EXPH5: variants seen among roughly 807,000 people sequenced by gnomAD.
EXPH5 encodes the protein exophilin-5.
In EXPH5, 42 loss-of-function variants were observed where a neutral mutation model predicts 41.1. The ratio of observed to expected loss-of-function variants is 1.02; its 90% CI spans 0.80 to 1.32. The LOEUF is 1.32. Ranked by LOEUF, EXPH5 falls within the 40% of genes most tolerant of loss-of-function variation. The pLI is 0.00. For synonymous variants in EXPH5, 798 were observed against 833.5 expected (o/e 0.96, Z 0.73); for missense variants, 2,298 against 2,314.5 (o/e 0.99, Z 0.15).
chr11:108,513,400 A>C lies in EXPH5; in HGVS notation c.2107T>G (p.Leu703Val), dbSNP rs1294345202. ...TCTTCTTCTGAAATAGATTCATTTA[A>C]GTCTTTCTCATTATTTACTTCTGTG... ...LVTEVNNEKD[L>V]NESISEEDKQ... The change falls in exon 6 of 6, where the codon TTA becomes GTA. Residue 703 changes from leucine to valine, a missense_variant. Leu to Val is a conservative substitution (Grantham distance 32). Transcript: ENST00000265843. The C allele has an allele frequency of 1.9e-6, 3 of 1,613,732 alleles. No homozygotes were observed. The South Asian group carries it at 3.3e-5, about 18-fold the overall frequency.
chr11:108,528,309 G>C, intron 3 of EXPH5, 125 bp from the exon 4 acceptor site: 1 of 643,578 alleles, frequency 1.6e-6, no homozygotes, highest in South Asian at 2.0e-5. Flanking sequence ...ATTCACTGTA[G>C]AAAGATGTTT....
At position 108,593,149 on chromosome 11, in the gene EXPH5, C is replaced by A. The variant is rs577277038; in HGVS notation, c.119+269G>T. ...GCACAGCGTCACTGCGCGGCCCCCG[C>A]AGCGCACGGACCCCCCCACCCTGCC... On this transcript the variant is annotated intron_variant, in intron 1 of 5. Coordinates refer to ENST00000265843, the MANE Select transcript of EXPH5 (RefSeq NM_015065.3). Among the ~76,000 whole-genome samples, 5 of 152,364 alleles carry A rather than the reference C, an allele frequency of 3.3e-5. No homozygotes were observed. In the South Asian group the frequency reaches 1.0e-3, roughly 32 times the overall value.
intron 1 of EXPH5, among the ~76,000 whole-genome samples, chr11:108,588,233 T>A (rs976483451): frequency 2.0e-5 from 3 of 152,242 alleles, no homozygotes; most frequent in Non-Finnish European, 2.9e-5. Flanking sequence ...GCAGATGGTA[T>A]CAGTTATCTT....
chr11:108,512,655 G>A lies in EXPH5; in HGVS notation c.2852C>T (p.Pro951Leu). ...GACATCAACCACTTCATCATGTGTA[G>A]GCACAGGACTATCATTTCTCTCTTG... ...ENQERNDSPVPTHDEVVDVKC... is the reference protein window; with the variant it reads ...ENQERNDSPVLTHDEVVDVKC... Residue 951 changes from proline (P) to leucine (L), a missense_variant, in exon 6 of 6, where the codon CCT (proline) becomes CTT (leucine). Transcript: ENST00000265843. 1.2e-6 allele frequency: 2 copies of A among 1,614,106 alleles called. No homozygotes were observed. The highest frequency in any genetic ancestry group is 1.7e-6 in the Non-Finnish European group (2 of 1,180,000).
At chr11:108,519,253 C>G (rs2093748417) in intron 4 of EXPH5, among the ~76,000 whole-genome samples, 1 of 152,084 alleles carries the variant, frequency 6.6e-6, no homozygotes, top group South Asian at 2.1e-4. Context: ...CAACCAAAGG[C>G]TAACTTTGGG....
At chr11:108,532,489 A>G (rs2093850074) in intron 3 of EXPH5, among the ~76,000 whole-genome samples, 1 of 143,536 alleles carries the variant, frequency 7.0e-6, no homozygotes, top group Admixed American at 7.2e-5. Context: ...TGTTGGGATT[A>G]CAGGCGTGAG....
At chr11:108,590,101 A>T (rs142153175) in intron 1 of EXPH5, among the ~76,000 whole-genome samples, 1 of 152,330 alleles carries the variant, frequency 6.6e-6, no homozygotes, top group Non-Finnish European at 1.5e-5. Context: ...AATTGGGTCA[A>T]GCGTAAGGCG....
At chr11:108,569,561 G>A (rs973880463) in intron 1 of EXPH5, among the ~76,000 whole-genome samples, 6 of 152,040 alleles carry the variant, frequency 3.9e-5, no homozygotes, top group Admixed American at 6.6e-5. Context: ...GGCTGGTCTC[G>A]AACTCCTCAC....
At chr11:108,560,130 C>T (rs551817371) in intron 1 of EXPH5, among the ~76,000 whole-genome samples, 6 of 152,260 alleles carry the variant, frequency 3.9e-5, no homozygotes, top group Non-Finnish European at 5.9e-5. Context: ...TGAGGAAATG[C>T]CTGGAGGTTT....
rs755950878 is a variant in EXPH5, at chr11:108,514,682, T to C, written c.825A>G (p.Leu275=). 1 of 1,603,232 alleles carries C rather than the reference T, an allele frequency of 6.2e-7. No homozygotes were observed. Among genetic ancestry groups the C allele is most frequent in the African/African-American group, 1.3e-5 (1 of 74,346 alleles). Residue 275 remains leucine, a synonymous_variant, in exon 6 of 6, where the codon CTA becomes CTG. Coordinates refer to ENST00000265843, the MANE Select transcript of EXPH5 (RefSeq NM_015065.3). ...ETSNMSIYDI[L]RPGTPREGFK... Reference sequence around the variant, plus strand: ...AACCTTCCCTAGGAGTTCCTGGTCTTAGGATGTCATAGATAGACATATTGG... The same window carrying C: ...AACCTTCCCTAGGAGTTCCTGGTCTCAGGATGTCATAGATAGACATATTGG...
intron 1 of EXPH5, among the ~76,000 whole-genome samples, chr11:108,569,649 G>T (rs932202855): frequency 6.6e-6 from 1 of 152,208 alleles, no homozygotes; most frequent in Admixed American, 6.5e-5. Flanking sequence ...TGAATGTACT[G>T]TTTTTAAACC....
chr11:108,575,819 C>T (rs559043320), intron 1 of EXPH5, among the ~76,000 whole-genome samples: 104 of 152,140 alleles, frequency 6.8e-4, no homozygotes, highest in African/African-American at 2.4e-3. Context: ...ACTAAAAATA[C>T]AAAAATTAGC....
intron 1 of EXPH5, among the ~76,000 whole-genome samples, chr11:108,592,971 G>T (rs1178326524): frequency 2.6e-5 from 4 of 152,254 alleles, no homozygotes; most frequent in Non-Finnish European, 5.9e-5. Context: ...GTTAGGCGAG[G>T]GTGGAAGCTC....
intron 1 of EXPH5, among the ~76,000 whole-genome samples, chr11:108,562,267 T>TG (rs2094015449): frequency 1.6e-4 from 3 of 18,306 alleles, no homozygotes; most frequent in South Asian, 2.3e-3. Context: ...TTTTCTGTGT[T>TG]TTTTTTTTTT....
intron 1 of EXPH5, among the ~76,000 whole-genome samples, chr11:108,579,024 G>A (rs2136110818): frequency 6.6e-6 from 1 of 152,214 alleles, no homozygotes; most frequent in Admixed American, 6.5e-5. Flanking sequence ...GCTCTAGCTA[G>A]GACTTCCAGT....
rs2093701562 is a variant in EXPH5, at chr11:108,513,809, T to G, written c.1698A>C (p.Ser566=). The change falls in exon 6 of 6, where the codon TCA becomes TCC. Residue 566 remains serine (S), a synonymous_variant. Transcript: ENST00000265843. ...QRSTLDSMVV[S]HGNETQLTPH... The stretch of plus-strand genomic sequence containing the variant: ...GAGTCAACTGGGTCTCATTACCATG[T>G]GATACCACCATGCTATCCAGTGTGG... The G allele has an allele frequency of 6.2e-7, 1 of 1,602,076 alleles. No homozygotes were observed. Among genetic ancestry groups the G allele is most frequent in the African/African-American group, 1.3e-5 (1 of 74,476 alleles).
chr11:108,517,975 T>G (rs1164880576), intron 5 of EXPH5, among the ~76,000 whole-genome samples: 1 of 152,132 alleles, frequency 6.6e-6, no homozygotes, highest in Admixed American at 6.5e-5. Flanking sequence ...ACCCCTAAGG[T>G]TAAATATTAA....
Position 108,514,535 on chromosome 11 carries a change from G to T in EXPH5, c.972C>A (p.Asp324Glu), listed in dbSNP as rs757836761. The change falls in exon 6 of 6, where the codon GAC becomes GAA. Residue 324 changes from aspartate (D) to glutamate (E), a missense_variant. Physicochemically the swap from Asp to Glu is conservative, Grantham distance 45 (BLOSUM62 2). Coordinates refer to ENST00000265843, the MANE Select transcript of EXPH5 (RefSeq NM_015065.3). ...NTFGSTSLCF[D>E]SRQRSALPAT... ...CTGGTAAGGCCGACCGTTGCCTGCT[G>T]TCAAAACACAGCGAAGTACTGCCAA... 8.7e-6 allele frequency: 14 copies of T among 1,613,166 alleles called. No homozygotes were observed. The South Asian group carries it at 1.5e-4, about 18-fold the overall frequency.
the EXPH5 span, among the ~76,000 whole-genome samples, chr11:108,601,911 G>T: frequency 6.6e-6 from 1 of 151,976 alleles, no homozygotes; most frequent in Non-Finnish European, 1.5e-5. Flanking sequence ...ACCAGGCTTG[G>T]CTAATTTTCA....
Sources: allele counts gnomAD v4.1 joint callset (sites outside exome capture counted in the v4.1 genomes callset), GRCh38; gene constraint gnomAD v4.1.1; transcripts MANE v1.5; gene names NCBI Gene and HGNC (gene_info 2026-07-23, HGNC 2026-07-21).